The following RAP1GAP variants were observed in gnomAD, a reference collection of about 807,000 sequenced individuals.
RAP1GAP encodes the protein RAP1 GTPase activating protein.
In RAP1GAP, 35 loss-of-function variants were observed where a neutral mutation model predicts 87.2. The observed-to-expected ratio is 0.40, with a 90% CI of 0.31 to 0.53. RAP1GAP has a LOEUF of 0.53. Among genes scored for constraint, RAP1GAP ranks in the 20% least tolerant of loss-of-function variants. The pLI, the probability that RAP1GAP is intolerant of heterozygous loss-of-function variation, is 0.48. For synonymous variants in RAP1GAP, 375 were observed against 363.9 expected (o/e 1.03, Z -0.35); for missense variants, 734 against 898.9 (o/e 0.82, Z 2.35).
At position 21,596,387 on chromosome 1, in the gene RAP1GAP, C is replaced by G. The variant is rs1645223093; in HGVS notation, c.*912G>C. ...TCCCAGCAGCTGTGCCGGGCTGCCCCCTCCATGGCGGTCGGGGGAGGCAAG... is the reference window on the plus strand; with the variant it reads ...TCCCAGCAGCTGTGCCGGGCTGCCCGCTCCATGGCGGTCGGGGGAGGCAAG... On this transcript the variant is annotated 3_prime_UTR_variant, in exon 25 of 25. Coordinates refer to ENST00000374765, the MANE Select transcript of RAP1GAP (RefSeq NM_002885.4). 6.7e-6 allele frequency: 1 copy of G among 149,890 alleles called. No homozygotes were observed. Among genetic ancestry groups the G allele is most frequent in the South Asian group, 2.1e-4 (1 of 4,740 alleles). The allele number at this position is 149,890 out of a possible 1,614,324, so 9.3% of individuals were successfully genotyped here.
intron 1 of RAP1GAP, chr1:21,653,118 C>T (rs1336103684): frequency 6.6e-6 from 1 of 152,106 alleles, no homozygotes; most frequent in Non-Finnish European, 1.5e-5. Context: ...GTACCAGGGT[C>T]TACGGTTTGT....
In RAP1GAP at chr1:21,617,290, C is replaced by G; in HGVS notation, c.291+16G>C. ...ACCCACCCCAGCCAGCCCCGCTGCA[C>G]CAGCCGGCCACCCACCTTGCCGAGA... On this transcript the variant is annotated intron_variant, in intron 7 of 24. Coordinates refer to ENST00000374765, the MANE Select transcript of RAP1GAP (RefSeq NM_002885.4). The G allele has an allele frequency of 6.4e-7, 1 of 1,557,368 alleles. No individual in the cohort carries two copies. The highest frequency in any genetic ancestry group is 1.2e-5 in the South Asian group (1 of 84,520).
intron 2 of RAP1GAP, among the ~76,000 whole-genome samples, chr1:21,645,098 T>C (rs556116267): frequency 1.3e-5 from 2 of 152,318 alleles, no homozygotes; most frequent in African/African-American, 4.8e-5. Context: ...TGTCTCATTT[T>C]CTGCTGAATC....
At chr1:21,653,577 T>C (rs959901512) in intron 1 of RAP1GAP, among the ~76,000 whole-genome samples, 5 of 133,664 alleles carry the variant, frequency 3.7e-5, no homozygotes, top group African/African-American at 1.4e-4. Flanking sequence ...CCTTCCTTCC[T>C]TCCTTCCTTC....
intron 16 of RAP1GAP, among the ~76,000 whole-genome samples, chr1:21,608,593 C>T (rs2076289671): frequency 2.0e-5 from 3 of 151,336 alleles, no homozygotes. Context: ...TCCCCACCCC[C>T]CAGGTCCACC....
rs1003556391 is a variant in RAP1GAP, at chr1:21,613,880, G to A, written c.395+106C>T. Reference sequence around the variant, plus strand: ...GCTGTGCAACCTCAAGCAAATCCCTGCCCCTCTATGGGCCTTGATGAAGAG... The same window carrying A: ...GCTGTGCAACCTCAAGCAAATCCCTACCCCTCTATGGGCCTTGATGAAGAG... On this transcript the variant is annotated intron_variant, in intron 8 of 24. Coordinates refer to ENST00000374765, the MANE Select transcript of RAP1GAP (RefSeq NM_002885.4). This position sits in a 1 kb window ranked among gnomAD's most constrained non-coding sequence, Gnocchi z 4.7. The A allele has an allele frequency of 2.5e-6, 3 of 1,193,916 alleles. No homozygotes were observed. The highest frequency in any genetic ancestry group is 3.6e-6 in the Non-Finnish European group (3 of 831,388). 74.0% of individuals were successfully genotyped at this position (1,193,916 alleles called of 1,614,324 possible).
Position 21,613,532 on chromosome 1 carries a change from C to T in RAP1GAP, c.474+96G>A. Reference sequence around the variant, plus strand: ...ATAGGGCGGCAGGCCAGGGCTAGGGCCTACAGCTGAAGGGGACGCGCCAAG... The same window carrying T: ...ATAGGGCGGCAGGCCAGGGCTAGGGTCTACAGCTGAAGGGGACGCGCCAAG... On this transcript the variant is annotated intron_variant, in intron 9 of 24. Transcript: ENST00000374765. The surrounding 1 kb of genome is among the most constrained non-coding windows in gnomAD (Gnocchi z 4.7). The T allele has an allele frequency of 1.7e-6, 2 of 1,180,584 alleles. No homozygotes were observed. The highest frequency in any genetic ancestry group is 1.3e-6 in the Non-Finnish European group (1 of 790,744). The allele number at this position is 1,180,584 out of a possible 1,614,324, so 73.1% of individuals were successfully genotyped here. A position where few individuals can be genotyped will look rare whatever the true frequency, so the allele number is the denominator to read the frequency against.
Position 21,603,745 on chromosome 1 carries a change from A to G in RAP1GAP, c.1429-832T>C. 7 of 1,410,112 alleles carry G rather than the reference A, an allele frequency of 5.0e-6. No individual in the cohort carries two copies. The highest frequency in any genetic ancestry group is 7.0e-6 in the Non-Finnish European group (7 of 997,588). The allele number at this position is 1,410,112 out of a possible 1,614,324, so 87.3% of individuals were successfully genotyped here. ...GGGCCTGTCCCGGGGGCAGAGGGGC[A>G]ACGTCCCCAATATGGCCTCCGTCCT... On this transcript the variant is annotated intron_variant, in intron 18 of 24. Coordinates refer to ENST00000374765, the MANE Select transcript of RAP1GAP (RefSeq NM_002885.4). This position sits in a 1 kb window ranked among gnomAD's most constrained non-coding sequence, Gnocchi z 6.0.
chr1:21,637,972 C>CAAA (rs35411110), intron 2 of RAP1GAP, among the ~76,000 whole-genome samples: 877 of 69,930 alleles, frequency 0.013, 19 homozygotes, highest in African/African-American at 0.029. Context: ...CCATCTCTAC[C>CAAA]AAAAAAAAAA....
chr1:21,601,761 G>A lies in RAP1GAP; in HGVS notation c.1575C>T (p.Ser525=), dbSNP rs747131298. The A allele has an allele frequency of 4.3e-6, 7 of 1,610,634 alleles. No homozygotes were observed. Among genetic ancestry groups the A allele is most frequent in the East Asian group, 2.2e-5 (1 of 44,814 alleles). ...SPPAGQKTPD[S]GHVSQEPKSE... ...ACTTGGGCTCCTGTGAGACGTGCCC[G>A]CTGTCTGGGGTCTTCTGACCAGCCG... The change falls in exon 20 of 25, where the codon AGC becomes AGT. Residue 525 remains serine (S), a synonymous_variant. Transcript: ENST00000374765.
chr1:21,633,783 G>A (rs1328329633), intron 2 of RAP1GAP, among the ~76,000 whole-genome samples: 2 of 152,310 alleles, frequency 1.3e-5, no homozygotes, highest in South Asian at 4.1e-4. Flanking sequence ...GTCAGGAGGG[G>A]AAGGCCTGGG....
At chr1:21,658,454 G>C (rs1444445631) in intron 1 of RAP1GAP, among the ~76,000 whole-genome samples, 1 of 152,128 alleles carries the variant, frequency 6.6e-6, no homozygotes, top group Non-Finnish European at 1.5e-5. Flanking sequence ...TGTAGTCTCA[G>C]CTACTCAGGA....
At chr1:21,618,893 C>T (rs2084360752) in intron 5 of RAP1GAP, 132 bp downstream of exon 5, 1 of 1,058,620 alleles carries the variant, frequency 9.4e-7, no homozygotes, top group Admixed American at 2.1e-5. Flanking sequence ...CCCCCCCTAC[C>T]CCCGCACCTG....
intron 5 of RAP1GAP, 88 bp from the exon 6 acceptor site, chr1:21,618,060 C>T (rs994757707): frequency 1.3e-6 from 2 of 1,535,384 alleles, no homozygotes; most frequent in Admixed American, 1.7e-5. Context: ...AGCCTCAGGG[C>T]TGAGAGTGCG....
chr1:21,611,648 CA>C (rs1570648316), intron 12 of RAP1GAP, 67 bp from the exon 13 acceptor site: 2 of 1,613,506 alleles, frequency 1.2e-6, no homozygotes, highest in Non-Finnish European at 1.7e-6. Flanking sequence ...GGGGCCAGGA[CA>C]GGGGCTCCCT....
At position 21,619,351 on chromosome 1, in the gene RAP1GAP, G is replaced by A. The variant is rs144765949; in HGVS notation, c.19-279C>T. Among the ~76,000 whole-genome samples, 640 of 152,144 alleles carry A rather than the reference G, an allele frequency of 4.2e-3. 1 individual carries two copies. The highest frequency in any genetic ancestry group is 0.014 in the African/African-American group (572 of 41,498). ...TGGGGGCAGGGGAGGTGCACATGCC[G>A]GTGTGCGAGCTGGCGGGTGGGGGGA... On this transcript the variant is annotated intron_variant, in intron 4 of 24. Coordinates refer to ENST00000374765, the MANE Select transcript of RAP1GAP (RefSeq NM_002885.4).
chr1:21,613,507 A>T lies in RAP1GAP; in HGVS notation c.474+121T>A. 1 of 958,480 alleles carries T rather than the reference A, an allele frequency of 1.0e-6. No homozygotes were observed. 59.4% of individuals were successfully genotyped at this position (958,480 alleles called of 1,614,324 possible). ...GGAACAAGTGAGAGACAGCCTCAGG[A>T]TAGGGCGGCAGGCCAGGGCTAGGGC... On this transcript the variant is annotated intron_variant, in intron 9 of 24. Transcript: ENST00000374765. This position sits in a 1 kb window ranked among gnomAD's most constrained non-coding sequence, Gnocchi z 4.7.
At chr1:21,665,118 C>T (rs1466781444) in intron 1 of RAP1GAP, 7 of 356,284 alleles carry the variant, frequency 2.0e-5, no homozygotes, top group Admixed American at 1.8e-4. Context: ...CTTGCATTCA[C>T]CTTCTTATCC....
In RAP1GAP at chr1:21,662,389, A is replaced by T. The variant is rs189452142; in HGVS notation, c.-149+6865T>A. On this transcript the variant is annotated intron_variant, in intron 1 of 24. Transcript: ENST00000374765. Reference sequence around the variant, plus strand: ...AGCTGATCTCTGTGGGCTCCTTCCCAGCTCTGAAGCTGGGGATTTCTTGGG... The same window carrying T: ...AGCTGATCTCTGTGGGCTCCTTCCCTGCTCTGAAGCTGGGGATTTCTTGGG... 3.3e-5 allele frequency among the ~76,000 whole-genome samples: 5 copies of T among 152,308 alleles called. No homozygotes were observed. The East Asian group carries it at 9.7e-4, about 29-fold the overall frequency.
Sources: allele counts gnomAD v4.1 joint callset (sites outside exome capture counted in the v4.1 genomes callset), GRCh38; gene constraint gnomAD v4.1.1; non-coding constraint Gnocchi (gnomAD v3.1); transcripts MANE v1.5; gene names NCBI Gene and HGNC (gene_info 2026-07-23, HGNC 2026-07-21).